The following FAM81A variants were observed in gnomAD, a reference collection of about 807,000 sequenced individuals.
The protein encoded by FAM81A is family with sequence similarity 81 member A.
A neutral mutation model predicts 46.7 loss-of-function variants in FAM81A; 19 were observed. The observed-to-expected ratio is 0.41, with a 90% CI of 0.28 to 0.60. The LOEUF is 0.60. Among genes scored for constraint, FAM81A ranks in the 20% least tolerant of loss-of-function variants. The pLI is 0.34. For missense variants in FAM81A, 377 were observed against 453.5 expected (o/e 0.83, Z 1.53); for synonymous variants, 183 against 152.9 (o/e 1.20, Z -1.45).
intron 3 of FAM81A, among the ~76,000 whole-genome samples, chr15:59,480,142 G>A (rs866056707): frequency 1.3e-5 from 2 of 152,190 alleles, no homozygotes; most frequent in Admixed American, 1.3e-4. Flanking sequence ...CTATCAAATG[G>A]TGGAAATGCC....
chr15:59,430,465 C>T (rs11633115), intron 2 of FAM81A, among the ~76,000 whole-genome samples: 29,601 of 151,784 alleles, frequency 0.2, 3,138 homozygotes, highest in South Asian at 0.28. Flanking sequence ...GGGGTTTCAC[C>T]GTGTTAGCCA....
intron 5 of FAM81A, among the ~76,000 whole-genome samples, 168 bp from the exon 6 acceptor site, chr15:59,508,695 A>G (rs1362404587): frequency 5.3e-5 from 8 of 152,196 alleles, no homozygotes; most frequent in Non-Finnish European, 1.2e-4. Context: ...TTCGATGGGT[A>G]TATAAGAAAG....
chr15:59,487,786 C>G (rs1452302735), intron 3 of FAM81A, among the ~76,000 whole-genome samples: 4 of 152,094 alleles, frequency 2.6e-5, no homozygotes, highest in African/African-American at 7.2e-5. Context: ...AAGAAAAGCC[C>G]TGGACCCAAT....
At chr15:59,456,013 G>T (rs1033330555) in intron 1 of FAM81A, among the ~76,000 whole-genome samples, 2 of 152,214 alleles carry the variant, frequency 1.3e-5, no homozygotes, top group Non-Finnish European at 2.9e-5. Flanking sequence ...TTTGAAACAT[G>T]CCTGTAAGGA....
In FAM81A at chr15:59,514,938, C is replaced by T. The variant is rs114181644; in HGVS notation, c.786+514C>T. The stretch of plus-strand genomic sequence containing the variant: ...CAGAGCTAAGGTTTGTAGAACTGCT[C>T]AAAAACGATATCAAGAAAGTCTTGT... On this transcript the variant is annotated intron_variant, in intron 7 of 8. Transcript: ENST00000288228. Among the ~76,000 whole-genome samples, 659 of 152,230 alleles carry T rather than the reference C, an allele frequency of 4.3e-3. 5 individuals are homozygous for T. The highest frequency in any genetic ancestry group is 0.015 in the African/African-American group (617 of 41,542).
chr15:59,425,070 A>C (rs974600001), intron 2 of FAM81A, among the ~76,000 whole-genome samples: 24 of 152,022 alleles, frequency 1.6e-4, no homozygotes, highest in African/African-American at 5.6e-4. Context: ...TATTTTATAG[A>C]GATGGGGTCT....
In FAM81A at chr15:59,523,545, T is replaced by G. The variant is rs1388633693; in HGVS notation, c.*2167T>G. On this transcript the variant is annotated 3_prime_UTR_variant, in exon 9 of 9. Transcript: ENST00000288228. ...TTTGCAATAAAAAGAAAAATAAAAT[T>G]TTCACATAAATGTGGTGTATGATTT... 2.0e-5 allele frequency: 3 copies of G among 152,198 alleles called. No homozygotes were observed. Among genetic ancestry groups the G allele is most frequent in the African/African-American group, 7.2e-5 (3 of 41,452 alleles). 9.4% of individuals were successfully genotyped at this position (152,198 alleles called of 1,614,324 possible). A position where few individuals can be genotyped will look rare whatever the true frequency, so the allele number is the denominator to read the frequency against.
At position 59,507,079 on chromosome 15, in the gene FAM81A, T is replaced by G. The variant is rs4278683; in HGVS notation, c.414-134T>G. The G allele has an allele frequency of 1.1e-3, 1,348 of 1,182,278 alleles. 3 individuals are homozygous for G. The highest frequency in any genetic ancestry group is 1.5e-3 in the Non-Finnish European group (1,263 of 863,684). The allele number at this position is 1,182,278 out of a possible 1,614,324, so 73.2% of individuals were successfully genotyped here. On this transcript the variant is annotated intron_variant, in intron 4 of 8. Transcript: ENST00000288228. ...ATGAGGCCAGCTCTTGGAATTCATT[T>G]GAACCTCTGTTCAAAAGAATGATGG... is the stretch of plus-strand genomic sequence containing the variant.
chr15:59,453,912 C>T (rs746777732), intron 1 of FAM81A, among the ~76,000 whole-genome samples: 5 of 152,182 alleles, frequency 3.3e-5, no homozygotes, highest in African/African-American at 4.8e-5. Context: ...CCAGTCTAGT[C>T]ACCAGGGCCT....
At chr15:59,434,412 T>C (rs1278291278), upstream of FAM81A, among the ~76,000 whole-genome samples, 1 of 152,236 alleles carries the variant, frequency 6.6e-6, no homozygotes, top group Non-Finnish European at 1.5e-5. Flanking sequence ...CTTTCTTGCA[T>C]TTCTACAGCA....
At chr15:59,498,387 C>T (rs1482581181) in intron 4 of FAM81A, among the ~76,000 whole-genome samples, 3 of 152,136 alleles carry the variant, frequency 2.0e-5, no homozygotes, top group Non-Finnish European at 2.9e-5. Context: ...TCCTGCAACC[C>T]TGCTGAACTC....
intron 8 of FAM81A, among the ~76,000 whole-genome samples, chr15:59,520,428 A>G (rs1264347129): frequency 2.0e-5 from 3 of 152,056 alleles, no homozygotes; most frequent in Non-Finnish European, 2.9e-5. Context: ...AGAATTACAC[A>G]TCGTATTTAG....
intron 4 of FAM81A, among the ~76,000 whole-genome samples, chr15:59,495,508 G>T (rs890369984): frequency 6.6e-5 from 10 of 152,112 alleles, no homozygotes; most frequent in Admixed American, 6.5e-5. Context: ...GTGCTCATAG[G>T]TTTTCATTTC....
At chr15:59,408,489 G>A (rs1453561445) in intron 2 of FAM81A, among the ~76,000 whole-genome samples, 1 of 152,154 alleles carries the variant, frequency 6.6e-6, no homozygotes, top group East Asian at 1.9e-4. Flanking sequence ...GAGGTCAAGT[G>A]TCCAAGACCA....
At chr15:59,467,499 G>A (rs1567056531) in intron 3 of FAM81A, among the ~76,000 whole-genome samples, 1 of 152,048 alleles carries the variant, frequency 6.6e-6, no homozygotes, top group Admixed American at 6.6e-5. Context: ...TCATGATTTG[G>A]CTCTCTGTTT....
chr15:59,509,782 G>T (rs899668108), intron 6 of FAM81A, among the ~76,000 whole-genome samples: 1 of 152,146 alleles, frequency 6.6e-6, no homozygotes, highest in Non-Finnish European at 1.5e-5. Flanking sequence ...ATAGCCTGTC[G>T]TGGGAGGAAT....
chr15:59,496,511 A>G (rs2082035556), intron 4 of FAM81A, among the ~76,000 whole-genome samples: 3 of 152,202 alleles, frequency 2.0e-5, no homozygotes, highest in Admixed American at 2.0e-4. Flanking sequence ...AGGCTGAAGC[A>G]GGAGAATCAC....
At chr15:59,427,663 C>G (rs1475146753) in intron 2 of FAM81A, among the ~76,000 whole-genome samples, 2 of 152,134 alleles carry the variant, frequency 1.3e-5, no homozygotes, top group African/African-American at 4.8e-5. Flanking sequence ...CAAAGTTTGT[C>G]TTTCTGTGCC....
At chr15:59,437,872 C>T (rs1431407352), upstream of FAM81A, among the ~76,000 whole-genome samples, 2 of 152,132 alleles carry the variant, frequency 1.3e-5, no homozygotes. Context: ...TTCCAATGAG[C>T]GAAATCCCCG....
Sources: gnomAD v4.1 joint callset for allele counts (sites outside exome capture counted in the v4.1 genomes callset) on GRCh38, gnomAD v4.1.1 for gene constraint, MANE v1.5 for transcripts, NCBI Gene and HGNC (gene_info 2026-07-23, HGNC 2026-07-21) for gene names.